The following ENKUR variants were observed in gnomAD, a reference collection of about 807,000 sequenced individuals.
The protein encoded by ENKUR is enkurin, TRPC channel interacting protein.
Under a neutral mutation model 27.6 loss-of-function variants are expected in ENKUR, and 19 were observed. That is an observed-to-expected ratio of 0.69 (90% CI 0.48 to 1.01). ENKUR has a LOEUF of 1.01. ENKUR is among the 50% of genes least tolerant of loss of function. ENKUR has a pLI of 0.00. For synonymous variants in ENKUR, 117 were observed against 96.9 expected (o/e 1.21, Z -1.22); for missense variants, 312 against 310.5 (o/e 1.00, Z -0.04).
intron 3 of ENKUR, among the ~76,000 whole-genome samples, chr10:24,995,430 T>C (rs1194395879): frequency 1.3e-5 from 2 of 152,322 alleles, no homozygotes; most frequent in East Asian, 3.9e-4. Flanking sequence ...ACAATAACTT[T>C]TATCTACTGA....
intron 2 of ENKUR, among the ~76,000 whole-genome samples, chr10:25,045,393 T>G (rs547214464): frequency 4.6e-5 from 7 of 152,292 alleles, no homozygotes; most frequent in African/African-American, 1.7e-4. Flanking sequence ...TAATATGATA[T>G]TAACAAATGA....
chr10:25,003,237 A>G (rs1850235822), intron 1 of ENKUR, among the ~76,000 whole-genome samples: 2 of 151,326 alleles, frequency 1.3e-5, no homozygotes, highest in Non-Finnish European at 2.9e-5. Flanking sequence ...GCTGGAGTGC[A>G]GTGGTGTTGC....
rs958253267 is a variant in ENKUR at position 25,058,199 on chromosome 10, TTTG to T, written c.37+2910_37+2912del. Among the ~76,000 whole-genome samples the T allele has an allele frequency of 6.6e-5, 10 of 152,010 alleles. No homozygotes were observed. The South Asian group carries it at 1.5e-3, about 22-fold the overall frequency. ...CCTCTATCACTCAATTTTTGGTGTT[TTTG>T]TTGTTGTTGTTTTGGCTTGGTTTGA... is the stretch of plus-strand genomic sequence containing the variant. On this transcript the variant is annotated intron_variant, in intron 2 of 5. Coordinates refer to the ENKUR transcript ENST00000615958.
At chr10:25,061,407 G>C (rs1297885970) in intron 1 of ENKUR, 1 of 428,178 alleles carries the variant, frequency 2.3e-6, no homozygotes, top group Non-Finnish European at 4.1e-6. Flanking sequence ...TGGCAAGGTG[G>C]AACCTCCCAA....
intron 2 of ENKUR, among the ~76,000 whole-genome samples, chr10:25,048,175 T>C (rs1851141561): frequency 6.6e-6 from 1 of 151,986 alleles, no homozygotes; most frequent in Non-Finnish European, 1.5e-5. Context: ...CCGCAGGTCA[T>C]GGGGTGGAAG....
intron 2 of ENKUR, chr10:25,023,331 C>A (rs750515105): frequency 2.5e-5 from 40 of 1,614,114 alleles, no homozygotes; most frequent in Admixed American, 3.3e-5. Context: ...TTTCAAGAAC[C>A]TTTGCACTTG....
Position 24,984,923 on chromosome 10 carries a change from A to G in ENKUR, c.595-18T>C, listed in dbSNP as rs770294991. The G allele has an allele frequency of 6.2e-7, 1 of 1,601,154 alleles. No individual in the cohort carries two copies. The highest frequency in any genetic ancestry group is 8.5e-7 in the Non-Finnish European group (1 of 1,174,162). The stretch of plus-strand genomic sequence containing the variant: ...TTCAGCCCCTGCAAATGGTCAAGAA[A>G]CTTGTAAATACCAAAGCAAACTGCA... On this transcript the variant is annotated intron_variant, in intron 4 of 5. Coordinates refer to ENST00000331161, the MANE Select transcript of ENKUR (RefSeq NM_145010.4).
chr10:25,016,338 G>A (rs1487012583), upstream of ENKUR, among the ~76,000 whole-genome samples: 1 of 152,196 alleles, frequency 6.6e-6, no homozygotes, highest in Non-Finnish European at 1.5e-5. Context: ...TAAAAACTGT[G>A]CTCTTTTCTA....
At chr10:25,042,715 G>GT (rs1464767595) in intron 2 of ENKUR, among the ~76,000 whole-genome samples, 1 of 152,110 alleles carries the variant, frequency 6.6e-6, no homozygotes, top group East Asian at 1.9e-4. Flanking sequence ...TGGGCCAGGT[G>GT]TGGTGGCTTA....
intron 2 of ENKUR, among the ~76,000 whole-genome samples, chr10:25,055,860 C>A (rs1851250425): frequency 6.6e-6 from 1 of 152,174 alleles, no homozygotes; most frequent in Non-Finnish European, 1.5e-5. Flanking sequence ...GAATTCAAGC[C>A]AGCAACTGAT....
chr10:25,036,178 G>A (rs1851005013), intron 2 of ENKUR, among the ~76,000 whole-genome samples: 1 of 152,134 alleles, frequency 6.6e-6, no homozygotes, highest in South Asian at 2.1e-4. Flanking sequence ...CCCACATGTT[G>A]TAGGAGGGAC....
intron 1 of ENKUR, among the ~76,000 whole-genome samples, chr10:25,061,669 T>G (rs1472342613): frequency 6.6e-6 from 1 of 152,094 alleles, no homozygotes; most frequent in Admixed American, 6.6e-5. Flanking sequence ...ACAACCCCTT[T>G]CTTCATCTCT....
chr10:25,003,174 A>AT (rs11452028), intron 1 of ENKUR, among the ~76,000 whole-genome samples: 3,762 of 137,690 alleles, frequency 0.027, 116 homozygotes, highest in African/African-American at 0.078. Context: ...TAATTAATTA[A>AT]TTAATTAATT....
At chr10:25,024,456 A>C in intron 2 of ENKUR, 3 of 1,614,172 alleles carry the variant, frequency 1.9e-6, no homozygotes, top group Non-Finnish European at 2.5e-6. Context: ...CTGAGAATGG[A>C]GTAAGTGATT....
At chr10:25,056,651 A>G (rs1484883073) in intron 2 of ENKUR, among the ~76,000 whole-genome samples, 1 of 152,196 alleles carries the variant, frequency 6.6e-6, no homozygotes. Context: ...AATTTTTGGA[A>G]GGGCTAGACT....
chr10:25,026,943 G>C (rs538247322), intron 2 of ENKUR, among the ~76,000 whole-genome samples: 8 of 152,118 alleles, frequency 5.3e-5, no homozygotes, highest in Non-Finnish European at 1.0e-4. Flanking sequence ...GGAAAAAAAT[G>C]GAAGATTCAA....
rs570245007 is a variant in ENKUR, at chr10:25,016,062, C to T, written c.-126G>A. 1.0e-5 allele frequency: 15 copies of T among 1,428,610 alleles called. No homozygotes were observed. The South Asian group carries it at 2.5e-4, about 23-fold the overall frequency. The allele number at this position is 1,428,610 out of a possible 1,614,324, so 88.5% of individuals were successfully genotyped here. The stretch of plus-strand genomic sequence containing the variant: ...CGCCTTCTGAAGGACCACAGGTTCT[C>T]TCCTTCACATCGTCCCCCTTTAACC... On this transcript the variant is annotated 5_prime_UTR_variant, in exon 1 of 6. Coordinates refer to ENST00000331161, the MANE Select transcript of ENKUR (RefSeq NM_145010.4).
chr10:25,029,551 T>TA (rs33953169), intron 2 of ENKUR, among the ~76,000 whole-genome samples: 6,261 of 150,570 alleles, frequency 0.042, 152 homozygotes, highest in Non-Finnish European at 0.06. Flanking sequence ...TAATGTTAGT[T>TA]AAAAAAAAAA....
chr10:25,031,230 C>T (rs1257756681), intron 2 of ENKUR, among the ~76,000 whole-genome samples: 4 of 152,232 alleles, frequency 2.6e-5, no homozygotes, highest in Admixed American at 6.5e-5. Context: ...TTCCTTGAAT[C>T]TGGGCTGATC....
Sources: gnomAD v4.1 joint callset for allele counts (sites outside exome capture counted in the v4.1 genomes callset) on GRCh38, gnomAD v4.1.1 for gene constraint, MANE v1.5 for transcripts, NCBI Gene and HGNC (gene_info 2026-07-23, HGNC 2026-07-21) for gene names.